Variants in MYO5B observed in about 807,000 individuals in gnomAD.
MYO5B encodes myosin VB.
Under a neutral mutation model 229.3 loss-of-function variants are expected in MYO5B, and 143 were observed. The observed-to-expected ratio is 0.62, with a 90% CI of 0.54 to 0.72. The LOEUF (loss-of-function observed/expected upper bound fraction) is 0.72. MYO5B is among the 30% of genes least tolerant of loss of function. The probability of loss-of-function intolerance (pLI) is 0.00; values close to 1 mark genes in which losing one functional copy is unlikely to be tolerated. For missense variants in MYO5B, 2,321 were observed against 2,331.0 expected, an observed-to-expected ratio of 1.00 and a Z score of 0.09; for synonymous variants, 918 against 885.2, an observed-to-expected ratio of 1.04 and a Z score of -0.66.
chr18:50,137,151 AG>A (rs2032349146), intron 1 of MYO5B, among the ~76,000 whole-genome samples: 1 of 152,250 alleles, frequency 6.6e-6, no homozygotes, highest in African/African-American at 2.4e-5. Context: ...AGTGGCCACG[AG>A]GGCAGTTTAT....
intron 1 of MYO5B, among the ~76,000 whole-genome samples, chr18:50,149,229 G>T (rs927732938): frequency 8.5e-5 from 13 of 152,070 alleles, no homozygotes; most frequent in Admixed American, 7.2e-4. Flanking sequence ...TGGATAGGAA[G>T]AATCAATATC....
At chr18:49,828,818 AG>A (rs2023879342) in intron 39 of MYO5B, among the ~76,000 whole-genome samples, 1 of 152,160 alleles carries the variant, frequency 6.6e-6, no homozygotes, top group African/African-American at 2.4e-5. Context: ...AAGAAATCAC[AG>A]GGGGAATTAG....
intron 1 of MYO5B, among the ~76,000 whole-genome samples, chr18:50,133,626 T>G (rs2032288807): frequency 6.6e-6 from 1 of 152,182 alleles, no homozygotes; most frequent in Non-Finnish European, 1.5e-5. Flanking sequence ...TGCAACCCCA[T>G]GACTGTCCTG....
At chr18:49,975,104 A>G (rs1226040902) in intron 9 of MYO5B, among the ~76,000 whole-genome samples, 9 of 152,204 alleles carry the variant, frequency 5.9e-5, no homozygotes, top group Non-Finnish European at 1.3e-4. Flanking sequence ...GTATGCATGC[A>G]GTGCTTGACC....
chr18:50,143,784 G>A (rs973656), intron 1 of MYO5B, among the ~76,000 whole-genome samples: 104,262 of 151,954 alleles, frequency 0.69, 36,509 homozygotes, highest in Admixed American at 0.77. Context: ...AGAACATGGC[G>A]TGCAACACAC....
intron 1 of MYO5B, among the ~76,000 whole-genome samples, chr18:50,074,822 GTTTT>G (rs1272681088): frequency 2.7e-5 from 4 of 149,174 alleles, no homozygotes; most frequent in East Asian, 1.9e-4. Flanking sequence ...TTTTTTGGGG[GTTTT>G]TTTGTTTGTT....
chr18:50,065,023 C>G (rs942383568), intron 1 of MYO5B, among the ~76,000 whole-genome samples: 1 of 152,180 alleles, frequency 6.6e-6, no homozygotes, highest in Non-Finnish European at 1.5e-5. Flanking sequence ...AAGAGATGAC[C>G]TATCTCAGAA....
chr18:50,185,207 C>T (rs941951096), intron 1 of MYO5B, among the ~76,000 whole-genome samples: 1 of 151,572 alleles, frequency 6.6e-6, no homozygotes, highest in African/African-American at 2.4e-5. Flanking sequence ...GTAGAGCCTA[C>T]CAAGCATGTG....
chr18:50,084,951 C>A (rs1020173666), intron 1 of MYO5B, among the ~76,000 whole-genome samples: 1 of 152,072 alleles, frequency 6.6e-6, no homozygotes, highest in African/African-American at 2.4e-5. Context: ...GACCTAAAAC[C>A]ATAAAAACCC....
At chr18:50,073,021 G>A (rs972684731) in intron 1 of MYO5B, among the ~76,000 whole-genome samples, 14 of 152,306 alleles carry the variant, frequency 9.2e-5, no homozygotes, top group East Asian at 3.9e-4. Context: ...GAGTCACATC[G>A]TAGCCAAAGA....
chr18:50,168,084 A>T (rs1490883800), intron 1 of MYO5B, among the ~76,000 whole-genome samples: 5 of 152,198 alleles, frequency 3.3e-5, no homozygotes, highest in Non-Finnish European at 5.9e-5. Flanking sequence ...ATTTTTGTTA[A>T]TTCTGAATTA....
intron 4 of MYO5B, among the ~76,000 whole-genome samples, chr18:50,010,883 C>T (rs2026153977): frequency 6.6e-6 from 1 of 152,148 alleles, no homozygotes; most frequent in Non-Finnish European, 1.5e-5. Flanking sequence ...TTTCCTTGGC[C>T]AGTAGTACAG....
intron 4 of MYO5B, among the ~76,000 whole-genome samples, chr18:50,036,344 T>C (rs2026448370): frequency 6.6e-6 from 1 of 152,232 alleles, no homozygotes; most frequent in South Asian, 2.1e-4. Flanking sequence ...AGAGCTCCAC[T>C]TCCAGGCTAA....
intron 10 of MYO5B, among the ~76,000 whole-genome samples, chr18:49,973,920 T>A (rs1489206488): frequency 6.6e-6 from 1 of 152,038 alleles, no homozygotes; most frequent in African/African-American, 2.4e-5. Flanking sequence ...ATAGCCACCT[T>A]GACTGTTACA....
intron 2 of MYO5B, among the ~76,000 whole-genome samples, chr18:50,044,793 G>A (rs1364032484): frequency 6.6e-6 from 1 of 152,146 alleles, no homozygotes; most frequent in Non-Finnish European, 1.5e-5. Context: ...CAAGGCTGAG[G>A]ATGCCGGCAG....
intron 4 of MYO5B, among the ~76,000 whole-genome samples, chr18:50,010,083 A>C (rs1271547301): frequency 6.6e-6 from 1 of 152,244 alleles, no homozygotes; most frequent in African/African-American, 2.4e-5. Context: ...TATTCACTGG[A>C]AACTGTGTAA....
rs1436075271 is a variant in MYO5B, at chr18:49,853,520, G to T, written c.4150C>A (p.Leu1384Met). The T allele has an allele frequency of 6.2e-7, 1 of 1,614,204 alleles. No individual in the cohort carries two copies. Among genetic ancestry groups the T allele is most frequent in the East Asian group, 2.2e-5 (1 of 44,880 alleles). Residue 1384 changes from leucine (L) to methionine (M), a missense_variant, in exon 31 of 40, where the codon CTG becomes ATG. By Grantham distance (15) the Leu-to-Met change is conservative. Transcript: ENST00000285039. ...KQQQTFCQTL[L>M]LSPEAQVEFG... ...TCCACCTGGGCCTCTGGGGAGAGCA[G>T]TAGCGTCTGGCAGAAGGTCTGCTGC... is the stretch of plus-strand genomic sequence containing the variant.
rs1325862470 is a variant in MYO5B at position 50,112,000 on chromosome 18, G to A, written c.28-56622C>T. Among the ~76,000 whole-genome samples, 3 of 152,306 alleles carry A rather than the reference G, an allele frequency of 2.0e-5. No individual in the cohort carries two copies. The East Asian group carries it at 5.8e-4, about 29-fold the overall frequency. ...CTGTACTAATGGAGGTCACATCCTA[G>A]TGGGGGAAACAGGCAAAACCAGATA... On this transcript the variant is annotated intron_variant, in intron 1 of 39. Transcript: ENST00000285039.
At chr18:50,060,233 C>T (rs1289376825) in intron 1 of MYO5B, among the ~76,000 whole-genome samples, 1 of 152,172 alleles carries the variant, frequency 6.6e-6, no homozygotes, top group African/African-American at 2.4e-5. Flanking sequence ...CAAACAGTAT[C>T]TTGTACATGC....
Sources: allele counts gnomAD v4.1 joint callset (sites outside exome capture counted in the v4.1 genomes callset), GRCh38; gene constraint gnomAD v4.1.1; transcripts MANE v1.5; gene names NCBI Gene and HGNC (gene_info 2026-07-23, HGNC 2026-07-21).